MCC: variants seen among roughly 807,000 people sequenced by gnomAD.
The protein encoded by MCC is colorectal mutant cancer protein.
In MCC, 90 loss-of-function variants were observed where a neutral mutation model predicts 116.2. The observed-to-expected ratio is 0.77, with a 90% confidence interval of 0.65 to 0.92. The LOEUF is 0.92. Ranked by LOEUF, MCC falls within the 40% of genes least tolerant of loss-of-function variation. The pLI, the probability that MCC is intolerant of heterozygous loss-of-function variation, is 0.00. For synonymous variants in MCC, 578 were observed against 510.5 expected (o/e 1.13, Z -1.78); for missense variants, 1,516 against 1,312.2 (o/e 1.16, Z -2.40).
At chr5:113,136,181 C>T (rs1758814097) in intron 5 of MCC, among the ~76,000 whole-genome samples, 1 of 152,212 alleles carries the variant, frequency 6.6e-6, no homozygotes, top group Admixed American at 6.5e-5. Context: ...TTACAGGCTA[C>T]AGTTGATATT....
chr5:113,024,518 C>CAAAG lies in MCC; in HGVS notation c.*2780_*2783dup, dbSNP rs910281885. 1.5e-4 allele frequency: 23 copies of CAAAG among 152,284 alleles called. No homozygotes were observed. The highest frequency in any genetic ancestry group is 4.6e-4 in the African/African-American group (19 of 41,558). 9.4% of individuals were successfully genotyped at this position (152,284 alleles called of 1,614,324 possible). The stretch of plus-strand genomic sequence containing the variant: ...GCTCTGTGCCCATTTCTTCAAAAGC[C>CAAAG]AAAGACTGAATTCTGAACAGAGATG... On this transcript the variant is annotated 3_prime_UTR_variant, in exon 19 of 19. Coordinates refer to ENST00000408903, the MANE Select transcript of MCC (RefSeq NM_001085377.2).
Position 113,488,348 on chromosome 5 carries a change from CGCT to C in MCC, c.64_66del (p.Ser22del), listed in dbSNP as rs757986554. The C allele has an allele frequency of 5.2e-5, 75 of 1,446,692 alleles. No individual in the cohort carries two copies. The highest frequency in any genetic ancestry group is 2.5e-4 in the East Asian group (8 of 32,070). The allele number at this position is 1,446,692 out of a possible 1,614,324, so 89.6% of individuals were successfully genotyped here. A position where few individuals can be genotyped will look rare whatever the true frequency, so the allele number is the denominator to read the frequency against. ...GTGTCGCTGCTGCTGCTGCTGCTGC[CGCT>C]GCCGCCGCCGCCGCCGCCGCTGCTG... On this transcript the variant is annotated inframe_deletion, in exon 1 of 19. Transcript: ENST00000408903.
chr5:113,086,751 G>A (rs1314502789), intron 8 of MCC, among the ~76,000 whole-genome samples: 1 of 151,978 alleles, frequency 6.6e-6, no homozygotes, highest in Non-Finnish European at 1.5e-5. Context: ...ACACCCAGCG[G>A]TCCTTACAAA....
chr5:113,144,732 G>T (rs1759388613), intron 4 of MCC, among the ~76,000 whole-genome samples: 1 of 152,178 alleles, frequency 6.6e-6, no homozygotes, highest in South Asian at 2.1e-4. Flanking sequence ...ACTTCCTGGG[G>T]GTTACCTTGG....
At chr5:113,392,086 C>T (rs2150395741) in intron 1 of MCC, among the ~76,000 whole-genome samples, 1 of 152,136 alleles carries the variant, frequency 6.6e-6, no homozygotes, top group South Asian at 2.1e-4. Context: ...ATGGGTAAGG[C>T]TAGGCGTGGT....
chr5:113,432,726 T>C (rs905851719), intron 1 of MCC: 4 of 152,178 alleles, frequency 2.6e-5, no homozygotes, highest in Non-Finnish European at 5.9e-5. Flanking sequence ...GTCCATTAAT[T>C]GGATATTAGC....
At chr5:113,159,064 T>A (rs1760337669) in intron 3 of MCC, among the ~76,000 whole-genome samples, 1 of 152,060 alleles carries the variant, frequency 6.6e-6, no homozygotes, top group Non-Finnish European at 1.5e-5. Context: ...GCGAGAAGGG[T>A]GGCAGGGCAA....
At chr5:113,234,787 C>G (rs1189452257) in intron 3 of MCC, 2 of 152,202 alleles carry the variant, frequency 1.3e-5, no homozygotes, top group Non-Finnish European at 2.9e-5. Context: ...CCCAGATATG[C>G]AGATGACAAA....
intron 4 of MCC, among the ~76,000 whole-genome samples, chr5:113,145,737 TAC>T (rs558608537): frequency 5.4e-4 from 67 of 123,528 alleles, no homozygotes; most frequent in African/African-American, 1.8e-3. Context: ...TAAACTTGCT[TAC>T]ACACACACAC....
intron 3 of MCC, among the ~76,000 whole-genome samples, chr5:113,265,569 C>T (rs192453756): frequency 2.2e-3 from 340 of 152,258 alleles, no homozygotes; most frequent in Non-Finnish European, 7.8e-4. Flanking sequence ...GTTGAACGTT[C>T]CCAAAACCCC....
chr5:113,103,671 TA>T (rs34287093), intron 7 of MCC, among the ~76,000 whole-genome samples: 6,865 of 152,280 alleles, frequency 0.045, 441 homozygotes, highest in African/African-American at 0.14. Context: ...CCCAGGTCAC[TA>T]AGTTACGTTG....
chr5:113,421,796 C>A (rs748595810), intron 1 of MCC, among the ~76,000 whole-genome samples: 19 of 152,258 alleles, frequency 1.2e-4, no homozygotes, highest in South Asian at 6.2e-4. Flanking sequence ...CAGTTAATTT[C>A]TATTTTCACT....
intron 1 of MCC, among the ~76,000 whole-genome samples, chr5:113,474,102 C>A (rs1281344396): frequency 6.6e-6 from 1 of 152,098 alleles, no homozygotes; most frequent in Non-Finnish European, 1.5e-5. Flanking sequence ...CTAAATTGGA[C>A]AAAAAGTTGA....
chr5:113,442,973 G>A (rs190922676), intron 1 of MCC, among the ~76,000 whole-genome samples: 127 of 152,288 alleles, frequency 8.3e-4, no homozygotes, highest in East Asian at 3.7e-3. Flanking sequence ...GATTGTTTTG[G>A]CTATGCAAGG....
chr5:113,408,809 G>T (rs1168776125), intron 1 of MCC, among the ~76,000 whole-genome samples: 1 of 152,170 alleles, frequency 6.6e-6, no homozygotes, highest in East Asian at 1.9e-4. Flanking sequence ...TGCTCCTTAG[G>T]ACTGAGTAGA....
chr5:113,275,044 T>C (rs2150354601), intron 3 of MCC, among the ~76,000 whole-genome samples: 1 of 152,296 alleles, frequency 6.6e-6, no homozygotes, highest in East Asian at 1.9e-4. Flanking sequence ...ACACAGCTTG[T>C]GGCCTTCCCT....
At chr5:113,286,941 G>C (rs976639927) in intron 3 of MCC, among the ~76,000 whole-genome samples, 8 of 151,992 alleles carry the variant, frequency 5.3e-5, no homozygotes, top group Admixed American at 6.6e-5. Flanking sequence ...AGAAAGACAG[G>C]GTATCTCTGT....
intron 1 of MCC, among the ~76,000 whole-genome samples, chr5:113,390,635 T>A (rs1456792937): frequency 6.6e-6 from 1 of 152,214 alleles, no homozygotes; most frequent in Admixed American, 6.5e-5. Flanking sequence ...TCAAGTAAAT[T>A]CGCAGCCTAA....
Position 113,122,685 on chromosome 5 carries a change from C to A in MCC, c.1026G>T (p.Met342Ile). 6.2e-7 allele frequency: 1 copy of A among 1,614,088 alleles called. No individual in the cohort carries two copies. ...GGTGGCAAGGGCAGGCAGACTCACC[C>A]ATGTCAGCAGTAACCATGGTAGACT... Reference protein sequence around the residue: ...ENQSTMVTADMDNCSDLNSEL... With the variant: ...ENQSTMVTADIDNCSDLNSEL... The change falls in exon 6 of 19, where the codon ATG (methionine) becomes ATT (isoleucine). Residue 342 changes from methionine (M) to isoleucine (I), a missense_variant and splice_region_variant. Coordinates refer to ENST00000408903, the MANE Select transcript of MCC (RefSeq NM_001085377.2).
Sources: allele counts gnomAD v4.1 joint callset (sites outside exome capture counted in the v4.1 genomes callset), GRCh38; gene constraint gnomAD v4.1.1; transcripts MANE v1.5; gene names NCBI Gene and HGNC (gene_info 2026-07-23, HGNC 2026-07-21).